Variants in CALN1 observed in about 807,000 individuals in gnomAD.
CALN1 encodes the protein calneuron 1, also known as calcium-binding protein 8.
A neutral mutation model predicts 30.6 loss-of-function variants in CALN1; 17 were observed. The ratio of observed to expected loss-of-function variants is 0.56; its 90% CI spans 0.38 to 0.83. CALN1 has a LOEUF of 0.83. Among genes scored for constraint, CALN1 ranks in the 40% least tolerant of loss-of-function variants. The probability of loss-of-function intolerance (pLI) is 0.00; values close to 1 mark genes in which losing one functional copy is unlikely to be tolerated. For synonymous variants in CALN1, 156 were observed against 131.4 expected (o/e 1.19, Z -1.28); for missense variants, 291 against 354.9 (o/e 0.82, Z 1.45).
intron 3 of CALN1, among the ~76,000 whole-genome samples, chr7:72,111,317 C>T (rs1313582573): frequency 6.6e-6 from 1 of 152,216 alleles, no homozygotes; most frequent in African/African-American, 2.4e-5. Flanking sequence ...CATATGGAGT[C>T]GCCCAGAATC....
intron 4 of CALN1, among the ~76,000 whole-genome samples, chr7:72,098,064 G>A (rs1806369060): frequency 2.0e-5 from 3 of 152,122 alleles, no homozygotes; most frequent in Admixed American, 1.3e-4. Flanking sequence ...GAACTAATAC[G>A]ATGCAGGGGA....
At chr7:72,146,931 C>G (rs557827902) in intron 3 of CALN1, among the ~76,000 whole-genome samples, 1 of 152,298 alleles carries the variant, frequency 6.6e-6, no homozygotes, top group East Asian at 1.9e-4. Flanking sequence ...AAAGCTGAAA[C>G]TGGATCCCTT....
intron 4 of CALN1, among the ~76,000 whole-genome samples, chr7:72,077,611 CCT>C (rs1384564067): frequency 5.9e-5 from 9 of 152,124 alleles, no homozygotes; most frequent in Admixed American, 5.2e-4. Flanking sequence ...TTTCCCAACC[CCT>C]GTCTCTCTTC....
At chr7:72,175,614 T>C (rs1444672343) in intron 3 of CALN1, among the ~76,000 whole-genome samples, 1 of 152,132 alleles carries the variant, frequency 6.6e-6, no homozygotes, top group Non-Finnish European at 1.5e-5. Context: ...AATCCACTGC[T>C]AAAACTGGCT....
intron 3 of CALN1, among the ~76,000 whole-genome samples, chr7:72,166,160 C>CA (rs1364104139): frequency 6.6e-6 from 1 of 152,094 alleles, no homozygotes; most frequent in Non-Finnish European, 1.5e-5. Context: ...AAAGGTGTCT[C>CA]AGGAGGTGAA....
chr7:72,486,450 T>C, the CALN1 span, among the ~76,000 whole-genome samples: 2 of 152,090 alleles, frequency 1.3e-5, no homozygotes. Context: ...CAGCTCACTG[T>C]AACCTCTGTC....
chr7:72,321,511 C>A (rs1010536883), intron 2 of CALN1, among the ~76,000 whole-genome samples: 2 of 152,146 alleles, frequency 1.3e-5, no homozygotes, highest in African/African-American at 4.8e-5. Context: ...GGGCGAAAAT[C>A]GTAAACGTAA....
At chr7:72,352,644 G>A (rs1202185642) in intron 2 of CALN1, among the ~76,000 whole-genome samples, 1 of 152,066 alleles carries the variant, frequency 6.6e-6, no homozygotes, top group Non-Finnish European at 1.5e-5. Context: ...AGCTAAAACA[G>A]TGCTTACAAG....
intron 5 of CALN1, among the ~76,000 whole-genome samples, chr7:71,845,234 C>T (rs1790161451): frequency 6.6e-6 from 1 of 152,158 alleles, no homozygotes; most frequent in African/African-American, 2.4e-5. Flanking sequence ...CTTGATAAAA[C>T]AAGCTAAGTC....
At position 72,336,370 on chromosome 7, in the gene CALN1, C is replaced by T. The variant is rs1005682000; in HGVS notation, c.120-57560G>A. On this transcript the variant is annotated intron_variant, in intron 2 of 6. Transcript: ENST00000395275. Reference sequence around the variant, plus strand: ...CCTGGTGGCCACTGGCGCCTGGGGGCTAGAAGAGCGGCTCCCAGCCTCCAG... The same window carrying T: ...CCTGGTGGCCACTGGCGCCTGGGGGTTAGAAGAGCGGCTCCCAGCCTCCAG... Among the ~76,000 whole-genome samples, 80 of 152,122 alleles carry T rather than the reference C, an allele frequency of 5.3e-4. 1 individual carries two copies. Among genetic ancestry groups the T allele is most frequent in the African/African-American group, 1.8e-3 (75 of 41,450 alleles).
chr7:72,435,508 G>C (rs1808126539), intron 1 of CALN1, among the ~76,000 whole-genome samples: 1 of 152,186 alleles, frequency 6.6e-6, no homozygotes, highest in Non-Finnish European at 1.5e-5. Context: ...CCTGGAAGTG[G>C]ACAGATGGGT....
intron 4 of CALN1, among the ~76,000 whole-genome samples, chr7:72,058,353 T>C (rs1308252230): frequency 1.5e-5 from 2 of 133,908 alleles, no homozygotes; most frequent in Non-Finnish European, 3.1e-5. Context: ...AGTCTCGCAC[T>C]GTTGCCCAGG....
At chr7:71,852,467 T>C (rs1477913274) in intron 5 of CALN1, among the ~76,000 whole-genome samples, 1 of 117,306 alleles carries the variant, frequency 8.5e-6, no homozygotes, top group South Asian at 3.3e-4. Flanking sequence ...TGAGACCCTG[T>C]CTCTAAAAAA....
chr7:71,929,089 G>A (rs1795418811), intron 5 of CALN1, among the ~76,000 whole-genome samples: 2 of 152,082 alleles, frequency 1.3e-5, no homozygotes, highest in Admixed American at 1.3e-4. Context: ...TATTCACATT[G>A]TAGCATGTAA....
At chr7:71,798,069 GAGAGAGAGAC>G (rs1177597477) in intron 6 of CALN1, among the ~76,000 whole-genome samples, 68 of 129,266 alleles carry the variant, frequency 5.3e-4, no homozygotes, top group Middle Eastern at 7.3e-3. Context: ...GACAGAGAGA[GAGAGAGAGAC>G]AGAGAGAGAC....
chr7:72,486,738 A>T, the CALN1 span, among the ~76,000 whole-genome samples: 8 of 152,138 alleles, frequency 5.3e-5, no homozygotes, highest in Non-Finnish European at 5.9e-5. Context: ...AGTGTTTTTG[A>T]AAAATTTAAA....
At chr7:72,023,074 T>C (rs1311508092) in intron 5 of CALN1, among the ~76,000 whole-genome samples, 1 of 152,126 alleles carries the variant, frequency 6.6e-6, no homozygotes, top group Non-Finnish European at 1.5e-5. Flanking sequence ...CTCCCTAAAT[T>C]TTATAATCAT....
chr7:72,376,530 C>G (rs915848556), intron 2 of CALN1, among the ~76,000 whole-genome samples: 1 of 152,166 alleles, frequency 6.6e-6, no homozygotes, highest in African/African-American at 2.4e-5. Flanking sequence ...AATATCTACT[C>G]TAATTATTTG....
chr7:71,835,002 T>A (rs577792993), intron 5 of CALN1, among the ~76,000 whole-genome samples: 37 of 152,084 alleles, frequency 2.4e-4, no homozygotes, highest in African/African-American at 4.8e-4. Context: ...CAGGTAATTT[T>A]AAAAAAAATT....
Sources: gnomAD v4.1 joint callset for allele counts (sites outside exome capture counted in the v4.1 genomes callset) on GRCh38, gnomAD v4.1.1 for gene constraint, MANE v1.5 for transcripts, NCBI Gene and HGNC (gene_info 2026-07-23, HGNC 2026-07-21) for gene names.